The following INSR variants were observed in gnomAD, a reference collection of about 807,000 sequenced individuals.
INSR encodes the protein insulin receptor.
In INSR, 67 loss-of-function variants were observed where a neutral mutation model predicts 142.6. The ratio of observed to expected loss-of-function variants is 0.47; its 90% CI spans 0.39 to 0.58. INSR has a LOEUF of 0.58. Among genes scored for constraint, INSR ranks in the 20% least tolerant of loss-of-function variants. The pLI is 0.00. For synonymous variants in INSR, 756 were observed against 743.1 expected, an observed-to-expected ratio of 1.02 and a Z score of -0.28; for missense variants, 1,248 against 1,833.2, an observed-to-expected ratio of 0.68 and a Z score of 5.83.
At position 7,168,140 on chromosome 19, in the gene INSR, G is replaced by A; in HGVS notation, c.1484-46C>T. The A allele has an allele frequency of 6.2e-7, 1 of 1,605,762 alleles. No homozygotes were observed. The highest frequency in any genetic ancestry group is 8.5e-7 in the Non-Finnish European group (1 of 1,173,782). ...GGCAAAAATGAGCTATTTCAGTGTA[G>A]TTTCAGACCAAAGCCTGGGACCCCC... On this transcript the variant is annotated intron_variant, in intron 6 of 21. Coordinates refer to ENST00000302850, the MANE Select transcript of INSR (RefSeq NM_000208.4). The surrounding 1 kb of genome is among the most constrained non-coding windows in gnomAD (Gnocchi z 4.3).
At chr19:7,212,941 C>T (rs370355231) in intron 2 of INSR, among the ~76,000 whole-genome samples, 4 of 152,094 alleles carry the variant, frequency 2.6e-5, no homozygotes, top group African/African-American at 7.2e-5. Flanking sequence ...TCTCCAGCCC[C>T]GCCCCCTCAG....
At chr19:7,238,503 T>G (rs1600077098) in intron 2 of INSR, among the ~76,000 whole-genome samples, 1 of 150,058 alleles carries the variant, frequency 6.7e-6, no homozygotes, top group Non-Finnish European at 1.5e-5. Flanking sequence ...CACCTGTAAT[T>G]CCAGCTACCC....
intron 2 of INSR, among the ~76,000 whole-genome samples, chr19:7,221,245 G>A (rs895196439): frequency 6.6e-6 from 1 of 151,848 alleles, no homozygotes; most frequent in Non-Finnish European, 1.5e-5. Context: ...GTGGTGTTGC[G>A]CACCTGTAAT....
chr19:7,246,049 A>G (rs1159361278), intron 2 of INSR, among the ~76,000 whole-genome samples: 2 of 152,150 alleles, frequency 1.3e-5, no homozygotes, highest in Non-Finnish European at 2.9e-5. Flanking sequence ...TGTCCAATTG[A>G]GCTCCAAATT....
At chr19:7,136,382 C>T (rs1239510684) in intron 13 of INSR, among the ~76,000 whole-genome samples, 4 of 152,032 alleles carry the variant, frequency 2.6e-5, no homozygotes, top group East Asian at 3.8e-4. Context: ...CCAACTTGTC[C>T]CCATTTGCCC....
intron 17 of INSR, among the ~76,000 whole-genome samples, chr19:7,123,800 G>A (rs933475582): frequency 6.6e-6 from 1 of 151,970 alleles, no homozygotes; most frequent in Non-Finnish European, 1.5e-5. Flanking sequence ...GTGGGCTCCT[G>A]TTATCCCAGC....
At chr19:7,117,927 C>G (rs1972377639) in intron 21 of INSR, among the ~76,000 whole-genome samples, 1 of 145,630 alleles carries the variant, frequency 6.9e-6, no homozygotes, top group Middle Eastern at 3.2e-3. Flanking sequence ...TTTTTTGAGA[C>G]AGGGTTTCTC....
rs1052878723 is a variant in INSR at position 7,251,557 on chromosome 19, G to A, written c.652+15788C>T. 5.4e-5 allele frequency among the ~76,000 whole-genome samples: 8 copies of A among 148,470 alleles called. No individual in the cohort carries two copies. The South Asian group carries it at 6.4e-4, about 12-fold the overall frequency. The stretch of plus-strand genomic sequence containing the variant: ...ATTACAGGCATGAGCCACCATGCCC[G>A]GCCATCAATTTTTTTTTTTAATGGG... On this transcript the variant is annotated intron_variant, in intron 2 of 21. Transcript: ENST00000302850.
chr19:7,179,131 C>T (rs1012575450), intron 3 of INSR, among the ~76,000 whole-genome samples: 4 of 152,174 alleles, frequency 2.6e-5, no homozygotes, highest in East Asian at 1.9e-4. Context: ...AGGCTGGTCT[C>T]GAACCTCTGG....
intron 13 of INSR, among the ~76,000 whole-genome samples, chr19:7,133,301 A>G (rs976680528): frequency 1.3e-5 from 2 of 152,030 alleles, no homozygotes; most frequent in Non-Finnish European, 2.9e-5. Context: ...AGTTGTGTAC[A>G]CGTATGGGGT....
At position 7,132,793 on chromosome 19, in the gene INSR, G is replaced by T. The variant is rs187755237; in HGVS notation, c.2683-476C>A. Among the ~76,000 whole-genome samples the T allele has an allele frequency of 3.1e-3, 468 of 152,062 alleles. 2 individuals are homozygous for T. Among genetic ancestry groups the T allele is most frequent in the African/African-American group, 0.011 (438 of 41,504 alleles). On this transcript the variant is annotated intron_variant, in intron 13 of 21. Coordinates refer to ENST00000302850, the MANE Select transcript of INSR (RefSeq NM_000208.4). ...TTCAGTAAAGACAGGGTTTTACCATGTTGGCCAGGCTGGTCTCAAACTCCT... is the reference window on the plus strand; with the variant it reads ...TTCAGTAAAGACAGGGTTTTACCATTTTGGCCAGGCTGGTCTCAAACTCCT...
intron 13 of INSR, among the ~76,000 whole-genome samples, chr19:7,140,113 A>G (rs1419400819): frequency 6.6e-6 from 1 of 152,218 alleles, no homozygotes; most frequent in Non-Finnish European, 1.5e-5. Flanking sequence ...TTGGCCCACA[A>G]GCCACAATAA....
intron 2 of INSR, among the ~76,000 whole-genome samples, chr19:7,251,995 C>G (rs1005910642): frequency 6.6e-6 from 1 of 152,152 alleles, no homozygotes; most frequent in Non-Finnish European, 1.5e-5. Flanking sequence ...GAAAATAGCC[C>G]AGGTGCGGTG....
Position 7,177,837 on chromosome 19 carries a change from G to A in INSR, c.975-3106C>T, listed in dbSNP as rs530532852. On this transcript the variant is annotated intron_variant, in intron 3 of 21. Coordinates refer to ENST00000302850, the MANE Select transcript of INSR (RefSeq NM_000208.4). ...GCTGGGATTACAGGTGTGAGCAACC[G>A]TGCCCGGCCAGTTAAGCCAATTTGA... Among the ~76,000 whole-genome samples, 13 of 150,354 alleles carry A rather than the reference G, an allele frequency of 8.6e-5. No homozygotes were observed. The South Asian group carries it at 1.1e-3, about 12-fold the overall frequency.
chr19:7,162,907 T>A, intron 9 of INSR, 125 bp downstream of exon 9: 1 of 787,092 alleles, frequency 1.3e-6, no homozygotes, highest in Non-Finnish European at 2.3e-6. Flanking sequence ...GAATGGAGTG[T>A]GTGTGTGTGT....
chr19:7,267,882 C>A lies in INSR; in HGVS notation c.115G>T (p.Asp39Tyr), dbSNP rs1408976613. ...AACCTAGTGAGGTTGTTCCGGATAT[C>A]CATGCCGGGACACACTACAAGAGAA... ...LYPGEVCPGM[D>Y]IRNNLTRLHE... Residue 39 changes from aspartate to tyrosine, a missense_variant, in exon 2 of 22, where the codon GAT (aspartate) becomes TAT (tyrosine). Coordinates refer to ENST00000302850, the MANE Select transcript of INSR (RefSeq NM_000208.4). The surrounding 1 kb of genome is among the most constrained non-coding windows in gnomAD (Gnocchi z 6.3). 1 of 1,613,398 alleles carries A rather than the reference C, an allele frequency of 6.2e-7. No individual in the cohort carries two copies. Among genetic ancestry groups the A allele is most frequent in the East Asian group, 2.2e-5 (1 of 44,880 alleles).
At position 7,273,514 on chromosome 19, in the gene INSR, CT is replaced by C. The variant is rs899836609; in HGVS notation, c.101-5619del. Among the ~76,000 whole-genome samples the C allele has an allele frequency of 9.7e-3, 1,387 of 142,734 alleles. 11 individuals carry two copies. The highest frequency in any genetic ancestry group is 0.031 in the African/African-American group (1,215 of 39,216). The allele number at this position is 142,734 out of a possible 152,430, so 93.6% of individuals were successfully genotyped here. A position where few individuals can be genotyped will look rare whatever the true frequency, so the allele number is the denominator to read the frequency against. On this transcript the variant is annotated intron_variant, in intron 1 of 21. Transcript: ENST00000302850. ...AGTGACAGCTAATATTTTCTTTTTTCTTTTTTTTTTTTTCTTTAATTGAGAC... is the reference window on the plus strand; with the variant it reads ...AGTGACAGCTAATATTTTCTTTTTTCTTTTTTTTTTTTCTTTAATTGAGAC...
chr19:7,174,272 A>G (rs1272640513), intron 4 of INSR, among the ~76,000 whole-genome samples: 1 of 151,284 alleles, frequency 6.6e-6, no homozygotes, highest in Non-Finnish European at 1.5e-5. Flanking sequence ...AGCCTGGGCA[A>G]TGGAGCAAGA....
intron 2 of INSR, among the ~76,000 whole-genome samples, chr19:7,220,915 T>C (rs1281075892): frequency 6.6e-6 from 1 of 152,088 alleles, no homozygotes; most frequent in Non-Finnish European, 1.5e-5. Context: ...AAGGGCTGTG[T>C]CCTCATAAGT....
Sources: allele counts gnomAD v4.1 joint callset (sites outside exome capture counted in the v4.1 genomes callset), GRCh38; gene constraint gnomAD v4.1.1; non-coding constraint Gnocchi (gnomAD v3.1); transcripts MANE v1.5; gene names NCBI Gene and HGNC (gene_info 2026-07-23, HGNC 2026-07-21).